ZC3H12C: variants seen among roughly 807,000 people sequenced by gnomAD.
The protein encoded by ZC3H12C is probable ribonuclease ZC3H12C.
In ZC3H12C, 20 loss-of-function variants were observed where a neutral mutation model predicts 76.3. The observed-to-expected ratio is 0.26, with a 90% confidence interval of 0.18 to 0.38. The LOEUF (loss-of-function observed/expected upper bound fraction) is 0.38, where lower values mean the gene tolerates loss of function less well. Ranked by LOEUF, ZC3H12C falls within the 10% of genes least tolerant of loss-of-function variation. The pLI is 1.00. For missense variants in ZC3H12C, 874 were observed against 1,086.5 expected, an observed-to-expected ratio of 0.80 and a Z score of 2.75; for synonymous variants, 352 against 399.6, an observed-to-expected ratio of 0.88 and a Z score of 1.42.
At chr11:110,138,410 A>G (rs1032803111) in intron 2 of ZC3H12C, among the ~76,000 whole-genome samples, 6 of 152,178 alleles carry the variant, frequency 3.9e-5, no homozygotes, top group Non-Finnish European at 8.8e-5. Context: ...TGTATGTCAT[A>G]TTAAATTTTC....
At chr11:110,154,222 A>T (rs1365470612) in intron 3 of ZC3H12C, among the ~76,000 whole-genome samples, 1 of 152,052 alleles carries the variant, frequency 6.6e-6, no homozygotes, top group Non-Finnish European at 1.5e-5. Context: ...AAATACAAAA[A>T]ATTAGCCAGG....
intron 1 of ZC3H12C, among the ~76,000 whole-genome samples, chr11:110,098,504 T>C (rs1469487380): frequency 1.3e-5 from 2 of 152,342 alleles, no homozygotes; most frequent in East Asian, 3.9e-4. Flanking sequence ...TGTACACTAA[T>C]ATCCTAGGCC....
Position 110,170,854 on chromosome 11 carries a change from T to TATAAGTGG in ZC3H12C, c.*5117_*5118insATAAGTGG, listed in dbSNP as rs1862664710. The TATAAGTGG allele has an allele frequency of 1.3e-5, 2 of 152,252 alleles. No individual in the cohort carries two copies. The highest frequency in any genetic ancestry group is 4.1e-4 in the South Asian group (2 of 4,834). The allele number at this position is 152,252 out of a possible 1,614,324, so 9.4% of individuals were successfully genotyped here. A position where few individuals can be genotyped will look rare whatever the true frequency, so the allele number is the denominator to read the frequency against. ...TAGGTTTTAACAATGTTTATTGTTT[T>TATAAGTGG]TTAAGTGGTTACTTTGTTTTTCCTT... On this transcript the variant is annotated 3_prime_UTR_variant, in exon 6 of 6. Coordinates refer to ENST00000278590, the MANE Select transcript of ZC3H12C (RefSeq NM_033390.2).
In ZC3H12C at chr11:110,163,096, A is replaced by T. The variant is rs1298651216; in HGVS notation, c.1149-177A>T. ...AGCTCAAAACAGTTCAATTTTCATT[A>T]AGAAATGAGAACTTCATTTACTGAT... On this transcript the variant is annotated intron_variant, in intron 4 of 5. Coordinates refer to ENST00000278590, the MANE Select transcript of ZC3H12C (RefSeq NM_033390.2). Among the ~76,000 whole-genome samples the T allele has an allele frequency of 2.0e-5, 3 of 152,378 alleles. No individual in the cohort carries two copies. The East Asian group carries it at 5.8e-4, about 29-fold the overall frequency.
intron 1 of ZC3H12C, among the ~76,000 whole-genome samples, chr11:110,111,102 C>A (rs531529339): frequency 6.6e-6 from 1 of 152,112 alleles, no homozygotes; most frequent in Non-Finnish European, 1.5e-5. Context: ...GGAGAAGGCA[C>A]TTTGGAACTC....
intron 1 of ZC3H12C, among the ~76,000 whole-genome samples, chr11:110,129,015 C>T (rs1434506323): frequency 6.6e-6 from 1 of 151,550 alleles, no homozygotes; most frequent in African/African-American, 2.4e-5. Flanking sequence ...AGCGAGAATA[C>T]TAGAGATGCT....
At chr11:110,150,917 A>G (rs1046912600) in intron 2 of ZC3H12C, among the ~76,000 whole-genome samples, 2 of 152,166 alleles carry the variant, frequency 1.3e-5, no homozygotes, top group Non-Finnish European at 2.9e-5. Flanking sequence ...CTGGGTATTC[A>G]TAGAGCTGTG....
In ZC3H12C at chr11:110,127,059, C is replaced by T. The variant is rs1591470002; in HGVS notation, c.22-9604C>T. ...AAATATGGGCTAATGTTGGGACTTTCGGCGTCTGCCTCTTCTCTGAAAAGT... is the reference window on the plus strand; with the variant it reads ...AAATATGGGCTAATGTTGGGACTTTTGGCGTCTGCCTCTTCTCTGAAAAGT... On this transcript the variant is annotated intron_variant, in intron 1 of 5. Transcript: ENST00000278590. Among the ~76,000 whole-genome samples, 11 of 152,212 alleles carry T rather than the reference C, an allele frequency of 7.2e-5. No homozygotes were observed. In the South Asian group the frequency reaches 1.9e-3, roughly 26 times the overall value.
At chr11:110,121,430 A>G (rs1290099494) in intron 1 of ZC3H12C, among the ~76,000 whole-genome samples, 2 of 152,200 alleles carry the variant, frequency 1.3e-5, no homozygotes, top group African/African-American at 4.8e-5. Flanking sequence ...TTAACTTTTT[A>G]TAGTATATGA....
At chr11:110,103,365 T>C (rs1290756521) in intron 1 of ZC3H12C, among the ~76,000 whole-genome samples, 1 of 152,240 alleles carries the variant, frequency 6.6e-6, no homozygotes, top group Non-Finnish European at 1.5e-5. Flanking sequence ...GAAGAATTTA[T>C]ACACATGTAT....
Position 110,163,328 on chromosome 11 carries a change from C to A in ZC3H12C, c.1204C>A (p.Leu402Met). The A allele has an allele frequency of 6.2e-7, 1 of 1,613,164 alleles. No individual in the cohort carries two copies. Among genetic ancestry groups the A allele is most frequent in the Non-Finnish European group, 8.5e-7 (1 of 1,179,636 alleles). The change falls in exon 5 of 6, where the codon CTG becomes ATG. Residue 402 changes from leucine (L) to methionine (M), a missense_variant. Transcript: ENST00000278590. ...ACATGGCCCCAGTCTGGATAATTTT[C>A]TGAGGAAGAAACCTATTGTTCCTGA... ...GRHGPSLDNF[L>M]RKKPIVPEHK...
chr11:110,135,915 G>T (rs1228843920), intron 1 of ZC3H12C: 1 of 152,018 alleles, frequency 6.6e-6, no homozygotes, highest in Non-Finnish European at 1.5e-5. Flanking sequence ...TGTTTCCCTG[G>T]CACTTAATAA....
chr11:110,152,352 A>G (rs11213285), intron 2 of ZC3H12C, among the ~76,000 whole-genome samples: 24,318 of 152,270 alleles, frequency 0.16, 2,524 homozygotes, highest in East Asian at 0.39. Context: ...TGTTTCTTCT[A>G]TGAGATTAAG....
rs911573857 is a variant in ZC3H12C, at chr11:110,168,840, A to G, written c.*3103A>G. On this transcript the variant is annotated 3_prime_UTR_variant, in exon 6 of 6. Coordinates refer to ENST00000278590, the MANE Select transcript of ZC3H12C (RefSeq NM_033390.2). ...TTTGGAAGAAATGCACACCAGTGTA[A>G]TATATTTGATACTGGTGGAAACTTG... is the stretch of plus-strand genomic sequence containing the variant. 4.6e-5 allele frequency: 7 copies of G among 152,200 alleles called. No homozygotes were observed. Among genetic ancestry groups the G allele is most frequent in the Non-Finnish European group, 7.4e-5 (5 of 68,016 alleles). The allele number at this position is 152,200 out of a possible 1,614,324, so 9.4% of individuals were successfully genotyped here. A position where few individuals can be genotyped will look rare whatever the true frequency, so the allele number is the denominator to read the frequency against.
At chr11:110,111,520 G>T (rs889188234) in intron 1 of ZC3H12C, among the ~76,000 whole-genome samples, 1 of 147,036 alleles carries the variant, frequency 6.8e-6, no homozygotes, top group Non-Finnish European at 1.5e-5. Context: ...CTAATTGCCC[G>T]ATCTTTGCTT....
intron 1 of ZC3H12C, among the ~76,000 whole-genome samples, chr11:110,125,308 TGTGTGTGTGTGTGG>T (rs1230344598): frequency 3.4e-5 from 4 of 117,464 alleles, no homozygotes; most frequent in South Asian, 2.6e-4. Context: ...TGTGTGTGTG[TGTGTGTGTGTGTGG>T]TTTTTTTTGT....
chr11:110,118,849 C>T (rs1230594050), intron 1 of ZC3H12C, among the ~76,000 whole-genome samples: 4 of 151,230 alleles, frequency 2.6e-5, no homozygotes, highest in Non-Finnish European at 5.9e-5. Context: ...ATAAGTTCCC[C>T]GTAAAGAAAT....
chr11:110,150,306 TG>T (rs944995022), intron 2 of ZC3H12C, among the ~76,000 whole-genome samples: 16 of 151,676 alleles, frequency 1.1e-4, no homozygotes, highest in African/African-American at 1.5e-4. Context: ...AATAGTATAT[TG>T]TTTTTTTATT....
chr11:110,093,499 T>A, intron 1 of ZC3H12C, 67 bp downstream of exon 1: 1 of 1,123,244 alleles, frequency 8.9e-7, no homozygotes, highest in Admixed American at 4.8e-5. Flanking sequence ...TAGCCGGTCG[T>A]GGGGAGGGCC....
Sources: gnomAD v4.1 joint callset for allele counts (sites outside exome capture counted in the v4.1 genomes callset) on GRCh38, gnomAD v4.1.1 for gene constraint, MANE v1.5 for transcripts, NCBI Gene and HGNC (gene_info 2026-07-23, HGNC 2026-07-21) for gene names.